The following SLC22A3 variants were observed in gnomAD, a reference collection of about 807,000 sequenced individuals.
SLC22A3 encodes the protein solute carrier family 22 member 3, also known as EMT organic cation transporter 3.
A neutral mutation model predicts 59.1 loss-of-function variants in SLC22A3; 51 were observed. The ratio of observed to expected loss-of-function variants is 0.86; its 90% CI spans 0.69 to 1.09. SLC22A3 has a LOEUF of 1.09. Ranked by LOEUF, SLC22A3 falls within the 50% of genes least tolerant of loss-of-function variation. The pLI is 0.00. For synonymous variants in SLC22A3, 325 were observed against 292.0 expected (o/e 1.11, Z -1.15); for missense variants, 711 against 726.3 (o/e 0.98, Z 0.24).
chr6:160,408,296 A>G (rs1443202202), intron 3 of SLC22A3, among the ~76,000 whole-genome samples: 1 of 152,224 alleles, frequency 6.6e-6, no homozygotes, highest in Non-Finnish European at 1.5e-5. Flanking sequence ...GTGATAACGA[A>G]AAGTCTTTGT....
intron 1 of SLC22A3, among the ~76,000 whole-genome samples, chr6:160,384,109 T>C (rs1157325162): frequency 6.6e-6 from 1 of 152,192 alleles, no homozygotes; most frequent in African/African-American, 2.4e-5. Context: ...CTTGTATTTT[T>C]AGTAGAGACG....
chr6:160,363,094 AGT>A (rs1053894468), intron 1 of SLC22A3, among the ~76,000 whole-genome samples: 1 of 152,208 alleles, frequency 6.6e-6, no homozygotes, highest in African/African-American at 2.4e-5. Context: ...CAATGCGCAC[AGT>A]GTTGCCGAGG....
In SLC22A3 at chr6:160,378,605, G is replaced by A. The variant is rs370195564; in HGVS notation, c.430-19374G>A. On this transcript the variant is annotated intron_variant, in intron 1 of 10. Transcript: ENST00000275300. ...TGTCTGGTGGACAGTAATATATAGA[G>A]GCTCCTCGACTTAGGATGGGATCAC... 3.5e-4 allele frequency among the ~76,000 whole-genome samples: 54 copies of A among 152,260 alleles called. No homozygotes were observed. The South Asian group carries it at 0.01, about 29-fold the overall frequency.
At chr6:160,423,078 G>A (rs954523340) in intron 5 of SLC22A3, among the ~76,000 whole-genome samples, 8 of 152,076 alleles carry the variant, frequency 5.3e-5, no homozygotes, top group Non-Finnish European at 8.8e-5. Flanking sequence ...GAGAACATGC[G>A]GTGTTTGGTT....
At chr6:160,369,433 CT>C (rs771640291) in intron 1 of SLC22A3, among the ~76,000 whole-genome samples, 4 of 152,180 alleles carry the variant, frequency 2.6e-5, no homozygotes, top group Non-Finnish European at 5.9e-5. Context: ...CCAGTGATGC[CT>C]GCTTGTGATC....
chr6:160,406,958 T>G, intron 2 of SLC22A3, 83 bp from the exon 3 acceptor site: 2 of 1,440,874 alleles, frequency 1.4e-6, no homozygotes, highest in Non-Finnish European at 1.9e-6. Flanking sequence ...TAATATGGTA[T>G]GATATAATAT....
At chr6:160,386,378 A>T (rs984219353) in intron 1 of SLC22A3, among the ~76,000 whole-genome samples, 1 of 152,210 alleles carries the variant, frequency 6.6e-6, no homozygotes, top group Non-Finnish European at 1.5e-5. Context: ...TTTGTCCCCA[A>T]TTGCATTCTT....
chr6:160,400,811 C>G (rs1786742647), intron 2 of SLC22A3, among the ~76,000 whole-genome samples: 1 of 151,588 alleles, frequency 6.6e-6, no homozygotes. Context: ...AACAGTTGGG[C>G]TATGTAAGTA....
At chr6:160,361,829 G>T (rs571134851) in intron 1 of SLC22A3, among the ~76,000 whole-genome samples, 49 of 152,282 alleles carry the variant, frequency 3.2e-4, no homozygotes, top group African/African-American at 1.1e-3. Context: ...ATCAGCAAAG[G>T]ATACAGATAG....
intron 1 of SLC22A3, among the ~76,000 whole-genome samples, chr6:160,374,180 A>G (rs568817083): frequency 5.3e-5 from 8 of 152,208 alleles, no homozygotes; most frequent in Non-Finnish European, 1.0e-4. Flanking sequence ...TGTGAAGACC[A>G]TGGGAAAAGT....
Position 160,410,742 on chromosome 6 carries a change from T to C in SLC22A3, c.871T>C (p.Ser291Pro), listed in dbSNP as rs774927504. 4 of 1,612,306 alleles carry C rather than the reference T, an allele frequency of 2.5e-6. No individual in the cohort carries two copies. Among genetic ancestry groups the C allele is most frequent in the Non-Finnish European group, 8.5e-7 (1 of 1,178,686 alleles). Reference protein sequence around the residue: ...FLLYYWVVPESPRWLITRKKG... With the variant: ...FLLYYWVVPEPPRWLITRKKG... Reference sequence around the variant, plus strand: ...CTTCTTTGCCAGGGTGGTCCCTGAGTCTCCCCGTTGGCTGATTACTCGGAA... The same window carrying C: ...CTTCTTTGCCAGGGTGGTCCCTGAGCCTCCCCGTTGGCTGATTACTCGGAA... The change falls in exon 5 of 11, where the codon TCT (serine) becomes CCT (proline). Residue 291 changes from serine (S) to proline (P), a missense_variant. By Grantham distance (74) the Ser-to-Pro change is moderately conservative. Coordinates refer to ENST00000275300, the MANE Select transcript of SLC22A3 (RefSeq NM_021977.4).
At chr6:160,418,870 A>G (rs79648238) in intron 5 of SLC22A3, among the ~76,000 whole-genome samples, 1,585 of 152,340 alleles carry the variant, frequency 0.01, 15 homozygotes, top group Non-Finnish European at 0.016. Context: ...ATACTGGCGC[A>G]ATAAACCCAT....
intron 1 of SLC22A3, among the ~76,000 whole-genome samples, chr6:160,352,152 T>G (rs992398149): frequency 3.3e-5 from 5 of 152,188 alleles, no homozygotes; most frequent in Admixed American, 6.5e-5. Context: ...GATGTGAAAG[T>G]TGCAAAATGG....
intron 5 of SLC22A3, 118 bp from the exon 6 acceptor site, chr6:160,436,662 T>C: frequency 1.5e-6 from 1 of 689,332 alleles, no homozygotes; most frequent in South Asian, 1.7e-5. Flanking sequence ...TTTAAGATAT[T>C]ATGAAAGCCC....
chr6:160,413,992 C>T (rs1329549979), intron 5 of SLC22A3, among the ~76,000 whole-genome samples: 1 of 152,126 alleles, frequency 6.6e-6, no homozygotes, highest in African/African-American at 2.4e-5. Context: ...GGGTTTTTCT[C>T]CTGAAGAATT....
intron 5 of SLC22A3, among the ~76,000 whole-genome samples, chr6:160,431,751 A>G (rs1378035220): frequency 6.6e-6 from 1 of 152,204 alleles, no homozygotes; most frequent in Non-Finnish European, 1.5e-5. Context: ...AAAATTGCCT[A>G]AAATATTCAG....
chr6:160,370,876 C>T (rs1219389790), intron 1 of SLC22A3, among the ~76,000 whole-genome samples: 1 of 152,162 alleles, frequency 6.6e-6, no homozygotes, highest in Non-Finnish European at 1.5e-5. Flanking sequence ...GGCTTCCTCT[C>T]ATTTCTTTGC....
In SLC22A3 at chr6:160,348,432, G is replaced by A. The variant is rs769141374; in HGVS notation, c.13G>A (p.Asp5Asn). Reference sequence around the variant, plus strand: ...CGGCGGGCGCACCATGCCCTCCTTCGACGAGGCGCTGCAGCGGGTGGGCGA... The same window carrying A: ...CGGCGGGCGCACCATGCCCTCCTTCAACGAGGCGCTGCAGCGGGTGGGCGA... MPSF[D>N]EALQRVGEFG... Residue 5 changes from aspartate (D) to asparagine (N), a missense_variant, in exon 1 of 11, where the codon GAC becomes AAC. Asp to Asn is a conservative substitution (Grantham distance 23, BLOSUM62 1). Coordinates refer to ENST00000275300, the MANE Select transcript of SLC22A3 (RefSeq NM_021977.4). 7 of 1,507,620 alleles carry A rather than the reference G, an allele frequency of 4.6e-6. No individual in the cohort carries two copies. The highest frequency in any genetic ancestry group is 5.3e-6 in the Non-Finnish European group (6 of 1,132,014). The allele number at this position is 1,507,620 out of a possible 1,614,324, so 93.4% of individuals were successfully genotyped here.
At position 160,408,951 on chromosome 6, in the gene SLC22A3, A is replaced by G. The variant is rs8187719; in HGVS notation, c.857+30A>G. ...TGTGGTTTTGGTTATCATCATATTT[A>G]TACTGATTCTGCAGAAATTAGACTC... On this transcript the variant is annotated intron_variant, in intron 4 of 10. Coordinates refer to ENST00000275300, the MANE Select transcript of SLC22A3 (RefSeq NM_021977.4). 1,379 of 1,597,048 alleles carry G rather than the reference A, an allele frequency of 8.6e-4. 7 individuals are homozygous for G. The African/African-American group carries it at 0.016, about 19-fold the overall frequency.
Sources: gnomAD v4.1 joint callset for allele counts (sites outside exome capture counted in the v4.1 genomes callset) on GRCh38, gnomAD v4.1.1 for gene constraint, MANE v1.5 for transcripts, NCBI Gene and HGNC (gene_info 2026-07-23, HGNC 2026-07-21) for gene names.